Variants in CFAP61 observed in about 807,000 individuals in gnomAD.
CFAP61 encodes the protein cilia and flagella associated protein 61.
In CFAP61, 107 loss-of-function variants were observed where a neutral mutation model predicts 135.6. The observed-to-expected ratio is 0.79, with a 90% CI of 0.67 to 0.93. The LOEUF is 0.93. Ranked by LOEUF, CFAP61 falls within the 40% of genes least tolerant of loss-of-function variation. The pLI is 0.00. For missense variants in CFAP61, 1,507 were observed against 1,556.2 expected (o/e 0.97, Z 0.53); for synonymous variants, 575 against 578.5 (o/e 0.99, Z 0.09).
chr20:20,317,945 G>A (rs564362039), intron 25 of CFAP61, among the ~76,000 whole-genome samples: 7 of 152,296 alleles, frequency 4.6e-5, no homozygotes, highest in South Asian at 2.1e-4. Flanking sequence ...GCTGACAAAC[G>A]GCGCCTGCAA....
At chr20:20,320,441 TGTA>T (rs373559674) in intron 25 of CFAP61, among the ~76,000 whole-genome samples, 6 of 124,542 alleles carry the variant, frequency 4.8e-5, no homozygotes, top group African/African-American at 2.1e-4. Flanking sequence ...ATATAATATA[TGTA>T]ATATATATTA....
rs760799543 is a variant in CFAP61 at position 20,341,871 on chromosome 20, C to T, written c.3463C>T (p.Arg1155Cys). 33 of 1,613,632 alleles carry T rather than the reference C, an allele frequency of 2.0e-5. No individual in the cohort carries two copies. The highest frequency in any genetic ancestry group is 3.3e-5 in the Admixed American group (2 of 60,002). The change falls in exon 26 of 27, where the codon CGT becomes TGT. Residue 1155 changes from arginine to cysteine, a missense_variant. By Grantham distance (180) the Arg-to-Cys change is radical. Coordinates refer to ENST00000245957, the MANE Select transcript of CFAP61 (RefSeq NM_015585.4). The part of the protein sequence containing the change: ...EPWCLALFHD[R>C]FIDLRKELRQ... ...GTGGTGCCTGGCCCTGTTCCACGATCGTTTTATTGATCTCAGGAAAGAGTT... is the reference window on the plus strand; with the variant it reads ...GTGGTGCCTGGCCCTGTTCCACGATTGTTTTATTGATCTCAGGAAAGAGTT...
intron 3 of CFAP61, among the ~76,000 whole-genome samples, chr20:20,072,271 C>A (rs558295808): frequency 5.3e-5 from 8 of 151,612 alleles, no homozygotes; most frequent in Non-Finnish European, 7.4e-5. Context: ...CCTGCCACCA[C>A]GCCCGGCTAA....
At chr20:20,245,415 A>G (rs961391708) in intron 18 of CFAP61, among the ~76,000 whole-genome samples, 1 of 152,196 alleles carries the variant, frequency 6.6e-6, no homozygotes, top group Non-Finnish European at 1.5e-5. Flanking sequence ...GCAGGCAAAG[A>G]GAGAGCTTGT....
At chr20:20,122,986 C>A (rs1454408387) in intron 8 of CFAP61, among the ~76,000 whole-genome samples, 1 of 151,642 alleles carries the variant, frequency 6.6e-6, no homozygotes, top group Admixed American at 6.6e-5. Context: ...GGTGGTGTTG[C>A]ATTGTGGTTT....
intron 22 of CFAP61, among the ~76,000 whole-genome samples, chr20:20,283,886 C>T (rs182451046): frequency 6.6e-6 from 1 of 152,290 alleles, no homozygotes; most frequent in Admixed American, 6.5e-5. Context: ...AAGCCTGGTC[C>T]CTTTTAAGGT....
intron 8 of CFAP61, among the ~76,000 whole-genome samples, chr20:20,138,535 A>G (rs887262954): frequency 1.6e-4 from 24 of 151,736 alleles, no homozygotes; most frequent in Non-Finnish European, 4.4e-5. Flanking sequence ...TTCTCTCCCC[A>G]AGTGTACAGA....
chr20:20,256,016 G>A (rs55922430), intron 20 of CFAP61, among the ~76,000 whole-genome samples: 14,402 of 152,194 alleles, frequency 0.095, 770 homozygotes, highest in Middle Eastern at 0.15. Context: ...TGCCACGCTG[G>A]AGACGCTGTA....
intron 6 of CFAP61, among the ~76,000 whole-genome samples, chr20:20,087,682 A>G (rs1394956619): frequency 6.6e-6 from 1 of 152,146 alleles, no homozygotes; most frequent in Non-Finnish European, 1.5e-5. Flanking sequence ...TCTCCTGCCT[A>G]AGTAATAATG....
At chr20:20,063,900 A>C (rs2045019450) in intron 2 of CFAP61, among the ~76,000 whole-genome samples, 1 of 152,244 alleles carries the variant, frequency 6.6e-6, no homozygotes, top group Non-Finnish European at 1.5e-5. Flanking sequence ...AATGAACAGA[A>C]AACATTTTTC....
chr20:20,343,927 C>T (rs1392909813), intron 26 of CFAP61, among the ~76,000 whole-genome samples: 1 of 152,200 alleles, frequency 6.6e-6, no homozygotes, highest in Non-Finnish European at 1.5e-5. Flanking sequence ...TTTATGAACT[C>T]AGTGTGGACA....
At chr20:20,313,310 T>G (rs1055437343) in intron 25 of CFAP61, among the ~76,000 whole-genome samples, 1 of 152,234 alleles carries the variant, frequency 6.6e-6, no homozygotes, top group Admixed American at 6.5e-5. Context: ...ACTTTCAGCC[T>G]CCAGAAGAGT....
At chr20:20,081,822 CAA>C (rs2046452840) in intron 6 of CFAP61, among the ~76,000 whole-genome samples, 2 of 152,202 alleles carry the variant, frequency 1.3e-5, no homozygotes, top group South Asian at 4.2e-4. Context: ...AAGCAAAACA[CAA>C]GAGGAATGAT....
chr20:20,267,774 G>A (rs2052906845), intron 21 of CFAP61: 1 of 152,270 alleles, frequency 6.6e-6, no homozygotes, highest in South Asian at 2.1e-4. Flanking sequence ...GGTGGAGGAG[G>A]GGGAAGCAGG....
At chr20:20,219,903 T>C (rs2048284022) in intron 17 of CFAP61, among the ~76,000 whole-genome samples, 1 of 152,214 alleles carries the variant, frequency 6.6e-6, no homozygotes, top group Non-Finnish European at 1.5e-5. Context: ...CAGAAACATC[T>C]TTTGTTACCA....
At position 20,164,179 on chromosome 20, in the gene CFAP61, G is replaced by C. The variant is rs1222204808; in HGVS notation, c.1156G>C (p.Ala386Pro). ...CCGCCCCATCTACAGGGGAGCCTCA[G>C]CTGCTTTTTGTATTCAGCTGTTTTG... ...HFRPIYRGAS[A>P]AFCIQLFCID... The change falls in exon 11 of 27, where the codon GCT becomes CCT. Residue 386 changes from alanine to proline, a missense_variant. Physicochemically the swap from Ala to Pro is conservative, Grantham distance 27. Coordinates refer to ENST00000245957, the MANE Select transcript of CFAP61 (RefSeq NM_015585.4). 6.2e-7 allele frequency: 1 copy of C among 1,614,064 alleles called. No individual in the cohort carries two copies. Among genetic ancestry groups the C allele is most frequent in the Admixed American group, 1.7e-5 (1 of 60,014 alleles).
intron 25 of CFAP61, among the ~76,000 whole-genome samples, chr20:20,308,285 C>T (rs1305086160): frequency 6.6e-6 from 1 of 152,094 alleles, no homozygotes; most frequent in African/African-American, 2.4e-5. Context: ...CATTTGGATC[C>T]GACATTCTGA....
chr20:20,192,558 C>T (rs1158309599), intron 15 of CFAP61, among the ~76,000 whole-genome samples: 1 of 152,092 alleles, frequency 6.6e-6, no homozygotes, highest in African/African-American at 2.4e-5. Flanking sequence ...ACCAGCCCTC[C>T]TCCCGCGCCA....
chr20:20,161,901 T>G (rs1569035010), intron 10 of CFAP61, among the ~76,000 whole-genome samples: 1 of 26,264 alleles, frequency 3.8e-5, no homozygotes, highest in Non-Finnish European at 1.3e-4. Flanking sequence ...GAGCCAGGCC[T>G]TGTATTAAGT....
Sources: gnomAD v4.1 joint callset for allele counts (sites outside exome capture counted in the v4.1 genomes callset) on GRCh38, gnomAD v4.1.1 for gene constraint, MANE v1.5 for transcripts, NCBI Gene and HGNC (gene_info 2026-07-23, HGNC 2026-07-21) for gene names.